The following AFG2A variants were observed in gnomAD, a reference collection of about 807,000 sequenced individuals.
AFG2A encodes AAA ATPase AFG2A, also known as ATPase family gene 2 protein homolog A.
At chr4:123,230,274 C>A in the AFG2A span, among the ~76,000 whole-genome samples, 2 of 152,020 alleles carry the variant, frequency 1.3e-5, no homozygotes, top group African/African-American at 2.4e-5. Flanking sequence ...GCTTTATCAA[C>A]TAAGTTTATG....
the AFG2A span, among the ~76,000 whole-genome samples, chr4:123,030,808 A>G: frequency 2.5e-4 from 38 of 152,326 alleles, no homozygotes; most frequent in Non-Finnish European, 4.1e-4. Context: ...TTTGCATTAT[A>G]CTTCCCAGTT....
chr4:123,046,758 T>C, the AFG2A span, among the ~76,000 whole-genome samples: 2,084 of 152,308 alleles, frequency 0.014, 51 homozygotes, highest in African/African-American at 0.047. Flanking sequence ...TGTGGTTTTG[T>C]ACCCATTAGC....
At chr4:123,068,877 T>C in the AFG2A span, among the ~76,000 whole-genome samples, 1 of 152,118 alleles carries the variant, frequency 6.6e-6, no homozygotes. Flanking sequence ...ACTGAGACTC[T>C]TACATAATTT....
At chr4:123,244,307 T>G in the AFG2A span, among the ~76,000 whole-genome samples, 1 of 152,110 alleles carries the variant, frequency 6.6e-6, no homozygotes, top group South Asian at 2.1e-4. Flanking sequence ...TCTTGGTATT[T>G]TGTACCTTAA....
chr4:123,265,438 T>C, the AFG2A span, among the ~76,000 whole-genome samples: 3 of 152,112 alleles, frequency 2.0e-5, no homozygotes, highest in Admixed American at 2.0e-4. Flanking sequence ...GTATGGAGAT[T>C]CTCTGTATTT....
chr4:123,063,057 G>A, the AFG2A span, among the ~76,000 whole-genome samples: 1 of 152,032 alleles, frequency 6.6e-6, no homozygotes, highest in Non-Finnish European at 1.5e-5. Context: ...TCAGGTCTTC[G>A]TCTTTTTTTC....
chr4:123,008,683 TTTC>T, the AFG2A span, among the ~76,000 whole-genome samples: 4 of 152,164 alleles, frequency 2.6e-5, no homozygotes, highest in Non-Finnish European at 5.9e-5. Flanking sequence ...AAGAATGAAA[TTTC>T]TTCTCGTTTT....
the AFG2A span, among the ~76,000 whole-genome samples, chr4:122,992,605 A>G: frequency 1.4e-4 from 21 of 152,226 alleles, no homozygotes; most frequent in Middle Eastern, 3.2e-3. Context: ...GGCATTTAGC[A>G]TGTTTTCAGA....
chr4:123,161,103 A>G, the AFG2A span, among the ~76,000 whole-genome samples: 4 of 152,194 alleles, frequency 2.6e-5, no homozygotes, highest in South Asian at 2.1e-4. Flanking sequence ...CTCCTTAAGG[A>G]TAAAAGCCAT....
the AFG2A span, among the ~76,000 whole-genome samples, chr4:123,058,171 C>T: frequency 1.3e-5 from 2 of 152,270 alleles, no homozygotes; most frequent in Middle Eastern, 6.8e-3. Context: ...TAAAGACATA[C>T]TCGAGACTGG....
chr4:123,044,618 G>A, the AFG2A span, among the ~76,000 whole-genome samples: 1 of 152,138 alleles, frequency 6.6e-6, no homozygotes, highest in African/African-American at 2.4e-5. Context: ...GTTTTAACAA[G>A]TTAGTATGAA....
chr4:123,236,430 C>T, the AFG2A span, among the ~76,000 whole-genome samples: 6 of 152,150 alleles, frequency 3.9e-5, no homozygotes, highest in Admixed American at 3.9e-4. Context: ...AAAATGATGG[C>T]ATCTGCATTA....
At chr4:122,984,564 T>A in the AFG2A span, among the ~76,000 whole-genome samples, 1 of 152,192 alleles carries the variant, frequency 6.6e-6, no homozygotes, top group Non-Finnish European at 1.5e-5. Flanking sequence ...TTTCCCCCAT[T>A]CAGTATTACA....
the AFG2A span, among the ~76,000 whole-genome samples, chr4:122,986,235 G>A: frequency 6.6e-6 from 1 of 152,126 alleles, no homozygotes; most frequent in African/African-American, 2.4e-5. Context: ...CTGTTGAATA[G>A]AAGGTGTATT....
chr4:123,089,955 T>G, the AFG2A span, among the ~76,000 whole-genome samples: 1 of 152,158 alleles, frequency 6.6e-6, no homozygotes, highest in African/African-American at 2.4e-5. Context: ...GAGGATAGTG[T>G]GTTTAGAACT....
At chr4:123,260,299 A>T in the AFG2A span, among the ~76,000 whole-genome samples, 1 of 152,214 alleles carries the variant, frequency 6.6e-6, no homozygotes. Context: ...CTTCATGTAA[A>T]CTTAGTCTGT....
the AFG2A span, among the ~76,000 whole-genome samples, chr4:123,206,642 G>A: frequency 1.3e-5 from 2 of 152,156 alleles, no homozygotes; most frequent in African/African-American, 2.4e-5. Flanking sequence ...CTACTGAAGT[G>A]TGTTTTCCTT....
the AFG2A span, among the ~76,000 whole-genome samples, chr4:123,226,888 G>T: frequency 2.6e-3 from 396 of 152,108 alleles, 2 homozygotes; most frequent in Middle Eastern, 0.014. Context: ...CAATTTCAGA[G>T]CCTGTTATTG....
the AFG2A span, among the ~76,000 whole-genome samples, chr4:123,282,779 A>G: frequency 1.3e-5 from 2 of 151,960 alleles, no homozygotes; most frequent in African/African-American, 2.4e-5. Flanking sequence ...AATTAAAAAA[A>G]AAAAAAAGTA....
Sources: allele counts gnomAD v4.1 joint callset (sites outside exome capture counted in the v4.1 genomes callset), GRCh38; gene constraint gnomAD v4.1.1; transcripts MANE v1.5; gene names NCBI Gene and HGNC (gene_info 2026-07-23, HGNC 2026-07-21).